SRP54: variants seen among roughly 807,000 people sequenced by gnomAD.
SRP54 encodes the protein signal recognition particle subunit SRP54.
SRP54 carries 10 observed loss-of-function variants against 64.8 expected under a neutral mutation model. The ratio of observed to expected loss-of-function variants is 0.15; its 90% CI spans 0.10 to 0.26. SRP54 has a LOEUF of 0.26. Ranked by LOEUF, SRP54 falls within the 10% of genes least tolerant of loss-of-function variation. The pLI, the probability that SRP54 is intolerant of heterozygous loss-of-function variation, is 1.00. For synonymous variants in SRP54, 193 were observed against 185.6 expected, an observed-to-expected ratio of 1.04 and a Z score of -0.32; for missense variants, 325 against 613.7, an observed-to-expected ratio of 0.53 and a Z score of 4.97.
At chr14:34,986,221 A>G (rs1327700098) in intron 1 of SRP54, among the ~76,000 whole-genome samples, 5 of 152,134 alleles carry the variant, frequency 3.3e-5, no homozygotes, top group Admixed American at 6.5e-5. Context: ...TTTGAAAAAC[A>G]ATTACTTTAA....
intron 4 of SRP54, among the ~76,000 whole-genome samples, chr14:35,002,506 C>T (rs2044190726): frequency 6.6e-6 from 1 of 151,198 alleles, no homozygotes. Flanking sequence ...GATCTCTGCT[C>T]ACTGCAACCT....
In SRP54 at chr14:34,996,765, A is replaced by T; in HGVS notation, c.56A>T (p.Asn19Ile). ...ACATCAGCATTACGCTCGTTGAGCA[A>T]TGCCACCATTATCAATGAAGAGGTA... is the stretch of plus-strand genomic sequence containing the variant. ...KITSALRSLS[N>I]ATIINEEVLN... The change falls in exon 2 of 16, where the codon AAT becomes ATT. Residue 19 changes from asparagine (N) to isoleucine (I), a missense_variant. Physicochemically the swap from Asn to Ile is moderately radical, Grantham distance 149. Transcript: ENST00000216774. 6.2e-7 allele frequency: 1 copy of T among 1,612,506 alleles called. No individual in the cohort carries two copies. The highest frequency in any genetic ancestry group is 8.5e-7 in the Non-Finnish European group (1 of 1,178,606).
At chr14:34,998,232 C>T (rs2044100784) in intron 2 of SRP54, among the ~76,000 whole-genome samples, 1 of 152,150 alleles carries the variant, frequency 6.6e-6, no homozygotes, top group Non-Finnish European at 1.5e-5. Context: ...ACCAGAGATA[C>T]AGCGGTGAAC....
intron 14 of SRP54, among the ~76,000 whole-genome samples, chr14:35,027,064 C>T (rs564104930): frequency 7.0e-6 from 1 of 142,252 alleles, no homozygotes; most frequent in Non-Finnish European, 1.5e-5. Context: ...GAGTCTTGCT[C>T]TGTCGCCCAG....
chr14:34,983,423 G>A (rs115282222), intron 1 of SRP54, among the ~76,000 whole-genome samples: 2,443 of 152,280 alleles, frequency 0.016, 52 homozygotes, highest in African/African-American at 0.052. Flanking sequence ...GTTGTCTTCC[G>A]ATTTACCTGA....
intron 1 of SRP54, among the ~76,000 whole-genome samples, chr14:34,987,282 T>TATATACACACACAC (rs2043914495): frequency 8.1e-6 from 1 of 123,442 alleles, no homozygotes; most frequent in African/African-American, 2.7e-5. Flanking sequence ...TGTGTATATA[T>TATATACACACACAC]ATATACACAC....
chr14:34,991,504 C>A (rs1289735251), intron 1 of SRP54, among the ~76,000 whole-genome samples: 1 of 150,922 alleles, frequency 6.6e-6, no homozygotes, highest in African/African-American at 2.4e-5. Flanking sequence ...GATAATAGAA[C>A]AATAGGAAAA....
chr14:35,000,105 C>T (rs1393997804), intron 3 of SRP54, among the ~76,000 whole-genome samples: 1 of 152,090 alleles, frequency 6.6e-6, no homozygotes, highest in Non-Finnish European at 1.5e-5. Flanking sequence ...TGTGTTTGGT[C>T]TCAGTTATCA....
intron 4 of SRP54, among the ~76,000 whole-genome samples, chr14:35,003,174 A>C (rs1329399367): frequency 6.6e-6 from 1 of 152,202 alleles, no homozygotes; most frequent in Non-Finnish European, 1.5e-5. Flanking sequence ...TAGCAGAAAT[A>C]AATGAGACTG....
At chr14:35,028,611 GATAAT>G (rs1283098376) in intron 15 of SRP54, among the ~76,000 whole-genome samples, 2 of 152,148 alleles carry the variant, frequency 1.3e-5, no homozygotes, top group Non-Finnish European at 2.9e-5. Flanking sequence ...AATTAAATGA[GATAAT>G]ATATATGAAG....
intron 15 of SRP54, 104 bp downstream of exon 15, chr14:35,028,287 G>A: frequency 2.9e-6 from 2 of 685,384 alleles, no homozygotes; most frequent in Non-Finnish European, 4.7e-6. Context: ...TGTTCAAAAG[G>A]TGTGTGATTT....
intron 1 of SRP54, among the ~76,000 whole-genome samples, chr14:34,987,094 T>C (rs1036818155): frequency 6.8e-5 from 10 of 148,092 alleles, no homozygotes; most frequent in Admixed American, 2.7e-4. Flanking sequence ...TAGCCGAGCA[T>C]GGTGGCACTC....
chr14:35,028,068 CTTT>C lies in SRP54; in HGVS notation c.1328-11_1328-9del, dbSNP rs369411374. On this transcript the variant is annotated splice_polypyrimidine_tract_variant and intron_variant, in intron 14 of 15. Transcript: ENST00000216774. ...ATTACCTCCTACGCTGACTCAAAAT[CTTT>C]TTTTTTTTCCCCTCAGGTGGCGACA... 7.2e-6 allele frequency: 9 copies of C among 1,249,484 alleles called. No homozygotes were observed. The highest frequency in any genetic ancestry group is 4.4e-5 in the South Asian group (3 of 68,476). The allele number at this position is 1,249,484 out of a possible 1,614,324, so 77.4% of individuals were successfully genotyped here.
chr14:35,022,934 A>C lies in SRP54; in HGVS notation c.1181A>C (p.Lys394Thr). The C allele has an allele frequency of 6.2e-7, 1 of 1,613,910 alleles. No individual in the cohort carries two copies. Among genetic ancestry groups the C allele is most frequent in the Non-Finnish European group, 8.5e-7 (1 of 1,179,926 alleles). ...DQELDSTDGAKVFSKQPGRIQ... is the reference protein window; with the variant it reads ...DQELDSTDGATVFSKQPGRIQ... The stretch of plus-strand genomic sequence containing the variant: ...GAACTAGACAGTACGGATGGTGCCA[A>C]AGTTTTTAGTAAACAACCAGGAAGA... The change falls in exon 14 of 16, where the codon AAA becomes ACA. Residue 394 changes from lysine to threonine, a missense_variant. Lys to Thr is a moderately conservative substitution (Grantham distance 78). Transcript: ENST00000216774.
chr14:35,028,955 A>G, intron 15 of SRP54, 106 bp from the exon 16 acceptor site: 1 of 855,776 alleles, frequency 1.2e-6, no homozygotes, highest in Non-Finnish European at 1.8e-6. Context: ...AATTGCAATC[A>G]GAATTCAGTA....
At chr14:35,028,840 C>A (rs1237409877) in intron 15 of SRP54, among the ~76,000 whole-genome samples, 1 of 152,016 alleles carries the variant, frequency 6.6e-6, no homozygotes, top group Non-Finnish European at 1.5e-5. Flanking sequence ...TCATTTATTC[C>A]TCGCAATAAC....
intron 14 of SRP54, chr14:35,027,847 T>G (rs963447566): frequency 1.0e-5 from 3 of 287,074 alleles, no homozygotes; most frequent in Admixed American, 4.9e-5. Context: ...ATCGTAGCCT[T>G]AAAAAAGCCT....
chr14:35,022,249 C>T (rs2044543714), intron 13 of SRP54, among the ~76,000 whole-genome samples: 2 of 151,902 alleles, frequency 1.3e-5, no homozygotes, highest in Non-Finnish European at 2.9e-5. Context: ...GACATGGGGT[C>T]TCGAAACATT....
chr14:35,026,241 G>A (rs1183750519), intron 14 of SRP54, among the ~76,000 whole-genome samples: 2 of 147,488 alleles, frequency 1.4e-5, no homozygotes, highest in Non-Finnish European at 3.0e-5. Flanking sequence ...TTTGTTTTGA[G>A]ACAGGGTCTC....
Sources: allele counts gnomAD v4.1 joint callset (sites outside exome capture counted in the v4.1 genomes callset), GRCh38; gene constraint gnomAD v4.1.1; transcripts MANE v1.5; gene names NCBI Gene and HGNC (gene_info 2026-07-23, HGNC 2026-07-21).